Variants in PPARGC1A observed in about 807,000 individuals in gnomAD.
PPARGC1A encodes the protein PPARG coactivator 1 alpha, also known as peroxisome proliferator-activated receptor gamma coactivator 1-alpha.
A neutral mutation model predicts 88.7 loss-of-function variants in PPARGC1A; 25 were observed. That is an observed-to-expected ratio of 0.28 (90% CI 0.21 to 0.39). The LOEUF (loss-of-function observed/expected upper bound fraction) is 0.39. Ranked by LOEUF, PPARGC1A falls within the 10% of genes least tolerant of loss-of-function variation. PPARGC1A has a pLI of 1.00. For synonymous variants in PPARGC1A, 363 were observed against 355.6 expected (o/e 1.02, Z -0.24); for missense variants, 880 against 968.7 (o/e 0.91, Z 1.22).
the PPARGC1A span, among the ~76,000 whole-genome samples, chr4:24,175,667 C>T: frequency 6.6e-5 from 10 of 150,912 alleles, no homozygotes; most frequent in Non-Finnish European, 1.3e-4. Flanking sequence ...GGATTACAGG[C>T]GTGAGCCACT....
At chr4:24,007,381 A>G in the PPARGC1A span, among the ~76,000 whole-genome samples, 1 of 152,236 alleles carries the variant, frequency 6.6e-6, no homozygotes, top group Non-Finnish European at 1.5e-5. Context: ...GTCCTCATTA[A>G]GCTTATCACC....
At chr4:23,797,643 C>T (rs1717850075) in intron 12 of PPARGC1A, among the ~76,000 whole-genome samples, 1 of 152,174 alleles carries the variant, frequency 6.6e-6, no homozygotes, top group East Asian at 1.9e-4. Flanking sequence ...TCAAGAGTTT[C>T]TTCACTGTGA....
At chr4:23,936,598 A>G in the PPARGC1A span, among the ~76,000 whole-genome samples, 1 of 152,146 alleles carries the variant, frequency 6.6e-6, no homozygotes, top group African/African-American at 2.4e-5. Context: ...TCAGCCAGGC[A>G]TGGTGGCAGG....
chr4:24,247,334 A>G, the PPARGC1A span, among the ~76,000 whole-genome samples: 1 of 152,206 alleles, frequency 6.6e-6, no homozygotes. Flanking sequence ...CTTCCATGAT[A>G]TACTTTAAAT....
At chr4:24,147,710 G>A in the PPARGC1A span, among the ~76,000 whole-genome samples, 5 of 152,132 alleles carry the variant, frequency 3.3e-5, no homozygotes, top group African/African-American at 1.2e-4. Context: ...GAAGAGTGAG[G>A]TCTTATTAAT....
the PPARGC1A span, among the ~76,000 whole-genome samples, chr4:24,074,749 C>A: frequency 6.6e-6 from 1 of 152,034 alleles, no homozygotes; most frequent in African/African-American, 2.4e-5. Context: ...TGGTGGGATG[C>A]AATATTTGGG....
chr4:24,078,621 C>A, the PPARGC1A span, among the ~76,000 whole-genome samples: 2 of 152,030 alleles, frequency 1.3e-5, no homozygotes, highest in Non-Finnish European at 2.9e-5. Flanking sequence ...CCGTATCTCA[C>A]CTTCTACCTT....
At chr4:24,041,966 T>A in the PPARGC1A span, among the ~76,000 whole-genome samples, 4 of 151,992 alleles carry the variant, frequency 2.6e-5, no homozygotes, top group South Asian at 2.1e-4. Context: ...CCTAAAAATA[T>A]GACTGTATAT....
At chr4:24,308,054 G>C in the PPARGC1A span, among the ~76,000 whole-genome samples, 2 of 152,118 alleles carry the variant, frequency 1.3e-5, no homozygotes, top group Non-Finnish European at 2.9e-5. Flanking sequence ...AACTTTGAGA[G>C]GCCAAGGCGT....
At chr4:24,363,781 ATAAT>A in the PPARGC1A span, among the ~76,000 whole-genome samples, 1 of 152,214 alleles carries the variant, frequency 6.6e-6, no homozygotes, top group African/African-American at 2.4e-5. Flanking sequence ...ATATGTGCAA[ATAAT>A]TAATTCAAAT....
the PPARGC1A span, among the ~76,000 whole-genome samples, chr4:23,985,468 A>ATT: frequency 1.0e-2 from 1,438 of 144,340 alleles, 40 homozygotes; most frequent in East Asian, 0.081. Context: ...TATCTCTGCA[A>ATT]TTTTTTTTTT....
chr4:24,307,518 A>G, the PPARGC1A span, among the ~76,000 whole-genome samples: 1 of 152,184 alleles, frequency 6.6e-6, no homozygotes, highest in Admixed American at 6.5e-5. Flanking sequence ...AGGCAACTCT[A>G]TTACCCTTCC....
chr4:24,121,701 C>T, the PPARGC1A span, among the ~76,000 whole-genome samples: 2 of 152,130 alleles, frequency 1.3e-5, no homozygotes, highest in African/African-American at 2.4e-5. Context: ...TGCAGCCTTA[C>T]GTGGGAGGGG....
At chr4:24,424,291 T>TTTA in the PPARGC1A span, among the ~76,000 whole-genome samples, 1 of 113,554 alleles carries the variant, frequency 8.8e-6, no homozygotes, top group Non-Finnish European at 1.9e-5. Flanking sequence ...TTTTTTTTTT[T>TTTA]TTGAGACAGA....
chr4:24,009,882 C>A, the PPARGC1A span, among the ~76,000 whole-genome samples: 2 of 152,170 alleles, frequency 1.3e-5, no homozygotes, highest in African/African-American at 4.8e-5. Context: ...CACAGACCCA[C>A]CCACACCTCC....
At chr4:24,172,200 G>A in the PPARGC1A span, among the ~76,000 whole-genome samples, 1 of 152,208 alleles carries the variant, frequency 6.6e-6, no homozygotes, top group African/African-American at 2.4e-5. Context: ...AAGAGAAGCT[G>A]AAGACTGATC....
chr4:24,352,662 CTT>C, the PPARGC1A span, among the ~76,000 whole-genome samples: 67 of 152,320 alleles, frequency 4.4e-4, no homozygotes, highest in African/African-American at 1.5e-3. Context: ...CATGAGCAAA[CTT>C]ATATCCCCAA....
intron 2 of PPARGC1A, among the ~76,000 whole-genome samples, chr4:23,877,307 G>A (rs958257014): frequency 3.6e-5 from 5 of 138,688 alleles, no homozygotes; most frequent in Non-Finnish European, 7.5e-5. Flanking sequence ...ACGAGGTCAG[G>A]AGATTGAGAC....
At chr4:23,866,385 CCT>C (rs1414221410) in intron 2 of PPARGC1A, 1 of 152,114 alleles carries the variant, frequency 6.6e-6, no homozygotes, top group Non-Finnish European at 1.5e-5. Flanking sequence ...CCTATAAAAT[CCT>C]CTTTTTATAA....
Sources: gnomAD v4.1 joint callset for allele counts (sites outside exome capture counted in the v4.1 genomes callset) on GRCh38, gnomAD v4.1.1 for gene constraint, MANE v1.5 for transcripts, NCBI Gene and HGNC (gene_info 2026-07-23, HGNC 2026-07-21) for gene names.